PRKAG2: variants seen among roughly 807,000 people sequenced by gnomAD.
PRKAG2 encodes the protein protein kinase AMP-activated non-catalytic subunit gamma 2, also known as 5'-AMP-activated protein kinase subunit gamma-2.
Under a neutral mutation model 69.6 loss-of-function variants are expected in PRKAG2, and 26 were observed. The ratio of observed to expected loss-of-function variants is 0.37; its 90% CI spans 0.27 to 0.52. PRKAG2 has a LOEUF of 0.52. Ranked by LOEUF, PRKAG2 falls within the 20% of genes least tolerant of loss-of-function variation. PRKAG2 has a pLI of 0.90. For missense variants in PRKAG2, 557 were observed against 740.0 expected, an observed-to-expected ratio of 0.75 and a Z score of 2.87; for synonymous variants, 293 against 285.0, an observed-to-expected ratio of 1.03 and a Z score of -0.28.
intron 3 of PRKAG2, among the ~76,000 whole-genome samples, chr7:151,697,628 A>T (rs910713237): frequency 1.3e-5 from 2 of 152,138 alleles, no homozygotes; most frequent in African/African-American, 4.8e-5. Context: ...GGACGGTGAC[A>T]GGTCAGCAAG....
chr7:151,747,751 C>T lies in PRKAG2; in HGVS notation c.466+33401G>A, dbSNP rs183818965. Among the ~76,000 whole-genome samples, 51 of 152,220 alleles carry T rather than the reference C, an allele frequency of 3.4e-4. No individual in the cohort carries two copies. The Middle Eastern group carries it at 0.01, about 30-fold the overall frequency. On this transcript the variant is annotated intron_variant, in intron 3 of 15. Coordinates refer to ENST00000287878, the MANE Select transcript of PRKAG2 (RefSeq NM_016203.4). ...ACAAAACAAAACAAAAAACAAAAGT[C>T]ATTCTACCACTTGATTGTTCACTCT...
In PRKAG2 at chr7:151,808,871, A is replaced by G. The variant is rs1029905780; in HGVS notation, c.115-22330T>C. 2.0e-5 allele frequency among the ~76,000 whole-genome samples: 3 copies of G among 152,122 alleles called. No homozygotes were observed. In the East Asian group the frequency reaches 5.8e-4, roughly 29 times the overall value. ...CCCGAAGGGTCTGGGCCAGCATCCA[A>G]GGCTAAAGCCTTGGCTATCCTAACG... On this transcript the variant is annotated intron_variant, in intron 1 of 15. Coordinates refer to ENST00000287878, the MANE Select transcript of PRKAG2 (RefSeq NM_016203.4).
At chr7:151,784,829 C>T (rs2076919694) in intron 2 of PRKAG2, among the ~76,000 whole-genome samples, 1 of 152,212 alleles carries the variant, frequency 6.6e-6, no homozygotes, top group South Asian at 2.1e-4. Flanking sequence ...AGCAGCCCTG[C>T]CAGTCCTGTC....
At chr7:151,713,505 A>G (rs1376524560) in intron 3 of PRKAG2, among the ~76,000 whole-genome samples, 1 of 152,172 alleles carries the variant, frequency 6.6e-6, no homozygotes, top group Non-Finnish European at 1.5e-5. Flanking sequence ...AAGTAGACAG[A>G]ACAGAATAAT....
At chr7:151,651,703 T>A (rs928753609) in intron 4 of PRKAG2, among the ~76,000 whole-genome samples, 6 of 152,174 alleles carry the variant, frequency 3.9e-5, no homozygotes, top group Non-Finnish European at 8.8e-5. Flanking sequence ...TGATATGGTG[T>A]CAGATTACAC....
intron 4 of PRKAG2, among the ~76,000 whole-genome samples, chr7:151,636,868 C>T (rs1450410727): frequency 6.6e-6 from 1 of 152,094 alleles, no homozygotes; most frequent in African/African-American, 2.4e-5. Context: ...CCATGCTCGG[C>T]TAATTTTCAT....
intron 4 of PRKAG2, among the ~76,000 whole-genome samples, chr7:151,666,322 A>G (rs994718431): frequency 1.3e-5 from 2 of 152,188 alleles, no homozygotes; most frequent in Admixed American, 1.3e-4. Flanking sequence ...TGTGTCCTTA[A>G]AAGAAGGAGA....
rs1054938086 is a variant in PRKAG2 at position 151,807,114 on chromosome 7, G to A, written c.115-20573C>T. ...GGCTGTAAAGGGTCAGAGGGACCTT[G>A]TGGAGTGGTGGAAATGTTCCAGATC... On this transcript the variant is annotated intron_variant, in intron 1 of 15. Transcript: ENST00000287878. The surrounding 1 kb of genome is among the most constrained non-coding windows in gnomAD (Gnocchi z 4.4). 1.0e-5 allele frequency: 4 copies of A among 384,136 alleles called. No individual in the cohort carries two copies. Among genetic ancestry groups the A allele is most frequent in the African/African-American group, 2.1e-5 (1 of 47,324 alleles). The allele number at this position is 384,136 out of a possible 1,614,324, so 23.8% of individuals were successfully genotyped here.
chr7:151,726,396 A>ATG (rs1355868119), intron 3 of PRKAG2, among the ~76,000 whole-genome samples: 4 of 145,972 alleles, frequency 2.7e-5, no homozygotes, highest in African/African-American at 1.0e-4. Context: ...ACACACACAC[A>ATG]CACACGCACA....
intron 1 of PRKAG2, among the ~76,000 whole-genome samples, chr7:151,841,790 ATAG>A (rs1356244425): frequency 3.6e-4 from 51 of 140,364 alleles, no homozygotes; most frequent in African/African-American, 9.1e-4. Flanking sequence ...GATGGTAGTG[ATAG>A]TAGGTAGTAA....
intron 4 of PRKAG2, among the ~76,000 whole-genome samples, chr7:151,668,365 C>T (rs1250490285): frequency 6.6e-6 from 1 of 152,208 alleles, no homozygotes; most frequent in Non-Finnish European, 1.5e-5. Flanking sequence ...TACCCAGCCT[C>T]AGGTATATTG....
intron 1 of PRKAG2, among the ~76,000 whole-genome samples, chr7:151,871,706 C>G (rs1007701249): frequency 6.6e-6 from 1 of 152,260 alleles, no homozygotes; most frequent in African/African-American, 2.4e-5. Flanking sequence ...TGGATTCTTC[C>G]TTCCTGGTGT....
chr7:151,737,540 A>C lies in PRKAG2; in HGVS notation c.466+43612T>G, dbSNP rs568489223. On this transcript the variant is annotated intron_variant, in intron 3 of 15. Transcript: ENST00000287878. Reference sequence around the variant, plus strand: ...GATAACCTCCCAAAACTGCAACGCCATCAGTTTCTTCAGCGGAATTGTTAT... The same window carrying C: ...GATAACCTCCCAAAACTGCAACGCCCTCAGTTTCTTCAGCGGAATTGTTAT... Among the ~76,000 whole-genome samples the C allele has an allele frequency of 3.9e-5, 6 of 152,218 alleles. No individual in the cohort carries two copies. In the East Asian group the frequency reaches 1.2e-3, roughly 29 times the overall value.
At position 151,771,006 on chromosome 7, in the gene PRKAG2, C is replaced by A. The variant is rs533261348; in HGVS notation, c.466+10146G>T. ...AGCACTGTGGGCTTATGACCTCACA[C>A]ATTTACCATTGCAGAAATTATGCCA... On this transcript the variant is annotated intron_variant, in intron 3 of 15. Coordinates refer to ENST00000287878, the MANE Select transcript of PRKAG2 (RefSeq NM_016203.4). This position sits in a 1 kb window ranked among gnomAD's most constrained non-coding sequence, Gnocchi z 4.0. Among the ~76,000 whole-genome samples, 1 of 152,340 alleles carries A rather than the reference C, an allele frequency of 6.6e-6. No homozygotes were observed. Among genetic ancestry groups the A allele is most frequent in the East Asian group, 1.9e-4 (1 of 5,186 alleles).
intron 4 of PRKAG2, chr7:151,633,116 G>A (rs1165037284): frequency 6.6e-6 from 1 of 152,244 alleles, no homozygotes; most frequent in African/African-American, 2.4e-5. Flanking sequence ...AGGGCTGAAA[G>A]GAGCTTGGCC....
At chr7:151,705,704 C>A (rs2374270) in intron 3 of PRKAG2, among the ~76,000 whole-genome samples, 54,419 of 151,946 alleles carry the variant, frequency 0.36, 9,956 homozygotes, top group Non-Finnish European at 0.37. Context: ...GTGCTCTGCT[C>A]TTCAAATTAA....
rs1220473176 is a variant in PRKAG2, at chr7:151,788,324, G to A, written c.115-1783C>T. 1.3e-5 allele frequency among the ~76,000 whole-genome samples: 2 copies of A among 152,328 alleles called. No individual in the cohort carries two copies. Among genetic ancestry groups the A allele is most frequent in the East Asian group, 3.9e-4 (2 of 5,186 alleles). ...AGTGGGCGTGAGCTGGTATCTCATT[G>A]TGGTTTTGATTTGCATTTCTTGGAT... On this transcript the variant is annotated intron_variant, in intron 1 of 15. Coordinates refer to ENST00000287878, the MANE Select transcript of PRKAG2 (RefSeq NM_016203.4). The surrounding 1 kb of genome is among the most constrained non-coding windows in gnomAD (Gnocchi z 4.6).
intron 4 of PRKAG2, among the ~76,000 whole-genome samples, chr7:151,652,284 T>G (rs972765285): frequency 6.6e-6 from 1 of 152,210 alleles, no homozygotes; most frequent in Non-Finnish European, 1.5e-5. Context: ...TGAGGCTCGA[T>G]TTTCTTCATG....
intron 1 of PRKAG2, among the ~76,000 whole-genome samples, chr7:151,823,891 G>T (rs988494358): frequency 6.6e-6 from 1 of 152,202 alleles, no homozygotes; most frequent in Admixed American, 6.5e-5. Flanking sequence ...AATCAAAATT[G>T]CTGGGGCTGA....
Sources: allele counts gnomAD v4.1 joint callset (sites outside exome capture counted in the v4.1 genomes callset), GRCh38; gene constraint gnomAD v4.1.1; non-coding constraint Gnocchi (gnomAD v3.1); transcripts MANE v1.5; gene names NCBI Gene and HGNC (gene_info 2026-07-23, HGNC 2026-07-21).